The following STXBP5L variants were observed in gnomAD, a reference collection of about 807,000 sequenced individuals.
STXBP5L encodes syntaxin binding protein 5L.
In STXBP5L, 65 loss-of-function variants were observed where a neutral mutation model predicts 144.5. That is an observed-to-expected ratio of 0.45 (90% CI 0.37 to 0.55). The LOEUF (loss-of-function observed/expected upper bound fraction) is 0.55, where lower values mean the gene tolerates loss of function less well. Ranked by LOEUF, STXBP5L falls within the 20% of genes least tolerant of loss-of-function variation. The pLI is 0.00. For missense variants in STXBP5L, 1,298 were observed against 1,405.5 expected, an observed-to-expected ratio of 0.92 and a Z score of 1.22; for synonymous variants, 505 against 469.6, an observed-to-expected ratio of 1.08 and a Z score of -0.97.
At chr3:121,284,550 C>G (rs1166289905) in intron 19 of STXBP5L, among the ~76,000 whole-genome samples, 1 of 151,966 alleles carries the variant, frequency 6.6e-6, no homozygotes, top group Admixed American at 6.6e-5. Flanking sequence ...ATCTCAAGAC[C>G]ATATCTAAAA....
At chr3:121,092,652 C>G (rs1239407596) in intron 5 of STXBP5L, among the ~76,000 whole-genome samples, 1 of 152,154 alleles carries the variant, frequency 6.6e-6, no homozygotes, top group Non-Finnish European at 1.5e-5. Flanking sequence ...AGTTGCTTAT[C>G]AGCTTAAGGA....
chr3:121,128,070 A>C (rs1303871106), intron 7 of STXBP5L, among the ~76,000 whole-genome samples: 3 of 152,124 alleles, frequency 2.0e-5, no homozygotes, highest in Non-Finnish European at 1.5e-5. Flanking sequence ...AAGAAATAGA[A>C]TACCTACCAA....
At chr3:121,024,056 C>T (rs1945751562) in intron 3 of STXBP5L, among the ~76,000 whole-genome samples, 1 of 151,990 alleles carries the variant, frequency 6.6e-6, no homozygotes, top group Non-Finnish European at 1.5e-5. Context: ...CCGTGCCTGG[C>T]CTAAAAATGT....
chr3:120,956,476 C>G (rs532360317), intron 3 of STXBP5L, among the ~76,000 whole-genome samples: 15 of 151,958 alleles, frequency 9.9e-5, no homozygotes, highest in African/African-American at 2.9e-4. Context: ...ATGTCCTCAA[C>G]GTTTATCCAT....
At chr3:120,942,612 T>G (rs1710625910) in intron 2 of STXBP5L, among the ~76,000 whole-genome samples, 1 of 151,502 alleles carries the variant, frequency 6.6e-6, no homozygotes, top group African/African-American at 2.4e-5. Flanking sequence ...TTATTGCTAG[T>G]ATAGGTAATA....
chr3:121,031,034 T>C (rs1165582512), intron 3 of STXBP5L, among the ~76,000 whole-genome samples: 1 of 152,068 alleles, frequency 6.6e-6, no homozygotes, highest in East Asian at 1.9e-4. Context: ...AATTATGATC[T>C]CTTCTCCCAC....
chr3:121,023,799 A>T (rs1945729831), intron 3 of STXBP5L, among the ~76,000 whole-genome samples: 1 of 152,206 alleles, frequency 6.6e-6, no homozygotes, highest in Non-Finnish European at 1.5e-5. Context: ...TCCGTCGCCC[A>T]GGCTGGAGTG....
At chr3:121,017,668 T>C (rs1945236791) in intron 3 of STXBP5L, among the ~76,000 whole-genome samples, 1 of 152,184 alleles carries the variant, frequency 6.6e-6, no homozygotes, top group African/African-American at 2.4e-5. Context: ...CACAGTACCA[T>C]TTACATTGGC....
intron 20 of STXBP5L, among the ~76,000 whole-genome samples, chr3:121,371,796 A>G (rs1426331065): frequency 6.6e-6 from 1 of 152,108 alleles, no homozygotes; most frequent in East Asian, 1.9e-4. Flanking sequence ...TCTGTGCCTA[A>G]TTTTGCACCA....
chr3:120,928,266 T>C (rs1266007953), intron 2 of STXBP5L, among the ~76,000 whole-genome samples: 1 of 326 alleles, frequency 3.1e-3, no homozygotes, highest in Non-Finnish European at 4.9e-3. Flanking sequence ...TTCTGACTTC[T>C]TTTTTTTTCC....
At chr3:120,987,690 A>G (rs949048634) in intron 3 of STXBP5L, among the ~76,000 whole-genome samples, 1 of 151,470 alleles carries the variant, frequency 6.6e-6, no homozygotes, top group Non-Finnish European at 1.5e-5. Flanking sequence ...AATATTGATG[A>G]TTTTTTCCTT....
chr3:121,203,070 T>TG (rs2048200248), intron 9 of STXBP5L, among the ~76,000 whole-genome samples: 1 of 137,834 alleles, frequency 7.3e-6, no homozygotes. Context: ...TCTTTTTTTC[T>TG]GTTTTTTTTT....
chr3:121,011,224 A>G (rs1437615815), intron 3 of STXBP5L, among the ~76,000 whole-genome samples: 1 of 150,972 alleles, frequency 6.6e-6, no homozygotes, highest in Non-Finnish European at 1.5e-5. Context: ...ACCATGTTAA[A>G]TCCTCAGTTC....
At chr3:121,187,729 TA>T (rs1415481428) in intron 9 of STXBP5L, among the ~76,000 whole-genome samples, 2 of 151,990 alleles carry the variant, frequency 1.3e-5, no homozygotes, top group East Asian at 3.9e-4. Flanking sequence ...ATGTCCCAAT[TA>T]AAAGACATAG....
At chr3:121,101,371 A>G (rs2043416267) in intron 5 of STXBP5L, among the ~76,000 whole-genome samples, 2 of 94,492 alleles carry the variant, frequency 2.1e-5, no homozygotes, top group African/African-American at 6.7e-5. Flanking sequence ...GAATCCAACA[A>G]CACAACAAAA....
rs933136829 is a variant in STXBP5L at position 121,319,165 on chromosome 3, A to G, written c.2176+625A>G. 3.3e-5 allele frequency among the ~76,000 whole-genome samples: 5 copies of G among 152,224 alleles called. No individual in the cohort carries two copies. In the East Asian group the frequency reaches 7.7e-4, roughly 23 times the overall value. On this transcript the variant is annotated intron_variant, in intron 20 of 26. Transcript: ENST00000471454. ...TTGGCCTGTTTTTTAAAATTTTTACATATTTGATAATTCTGATTTTTCTAT... is the reference window on the plus strand; with the variant it reads ...TTGGCCTGTTTTTTAAAATTTTTACGTATTTGATAATTCTGATTTTTCTAT...
At chr3:121,222,252 C>T (rs1054461757) in intron 10 of STXBP5L, among the ~76,000 whole-genome samples, 8 of 151,954 alleles carry the variant, frequency 5.3e-5, no homozygotes, top group Non-Finnish European at 8.8e-5. Context: ...TGTGAAATGA[C>T]TTCATAATTT....
intron 19 of STXBP5L, among the ~76,000 whole-genome samples, chr3:121,289,872 G>A (rs1478077551): frequency 6.6e-6 from 1 of 152,060 alleles, no homozygotes; most frequent in Non-Finnish European, 1.5e-5. Flanking sequence ...TGGTAATAGT[G>A]GCACAACCTA....
intron 7 of STXBP5L, among the ~76,000 whole-genome samples, chr3:121,126,688 T>C (rs1159126139): frequency 6.6e-6 from 1 of 152,178 alleles, no homozygotes; most frequent in East Asian, 1.9e-4. Flanking sequence ...ATTGTCAAAA[T>C]AAATTATCAT....
Sources: allele counts gnomAD v4.1 joint callset (sites outside exome capture counted in the v4.1 genomes callset), GRCh38; gene constraint gnomAD v4.1.1; transcripts MANE v1.5; gene names NCBI Gene and HGNC (gene_info 2026-07-23, HGNC 2026-07-21).